Variants in SORBS2 observed in about 807,000 individuals in gnomAD.
SORBS2 encodes sorbin and SH3 domain containing 2, also known as sorbin and SH3 domain-containing protein 2.
In SORBS2, 46 loss-of-function variants were observed where a neutral mutation model predicts 97.7. The ratio of observed to expected loss-of-function variants is 0.47; its 90% CI spans 0.37 to 0.60. SORBS2 has a LOEUF of 0.60. Among genes scored for constraint, SORBS2 ranks in the 20% least tolerant of loss-of-function variants. SORBS2 has a pLI of 0.00. For synonymous variants in SORBS2, 476 were observed against 473.4 expected, an observed-to-expected ratio of 1.01 and a Z score of -0.07; for missense variants, 1,316 against 1,282.3, an observed-to-expected ratio of 1.03 and a Z score of -0.40.
chr4:185,931,725 C>A (rs1405770929), intron 1 of SORBS2, among the ~76,000 whole-genome samples: 1 of 151,562 alleles, frequency 6.6e-6, no homozygotes, highest in Non-Finnish European at 1.5e-5. Flanking sequence ...AAGGACAGAC[C>A]AGAGTGAGGT....
intron 9 of SORBS2, among the ~76,000 whole-genome samples, chr4:185,617,019 G>T (rs554554758): frequency 1.1e-3 from 167 of 152,314 alleles, no homozygotes; most frequent in Admixed American, 2.6e-3. Flanking sequence ...AAAGTGCTGG[G>T]ATTACAGGCA....
chr4:185,934,526 C>T (rs139405205), intron 1 of SORBS2, among the ~76,000 whole-genome samples: 221 of 152,056 alleles, frequency 1.5e-3, no homozygotes, highest in Non-Finnish European at 1.2e-3. Flanking sequence ...TTTGGGAGGC[C>T]GAGACAGGTG....
chr4:185,804,794 G>C (rs1434240993), intron 1 of SORBS2, among the ~76,000 whole-genome samples: 1 of 151,910 alleles, frequency 6.6e-6, no homozygotes, highest in Non-Finnish European at 1.5e-5. Flanking sequence ...CTAGTTAATA[G>C]GTTTCTATTG....
At position 185,705,207 on chromosome 4, in the gene SORBS2, G is replaced by C. The variant is rs373581886; in HGVS notation, c.-197-26385C>G. Among the ~76,000 whole-genome samples the C allele has an allele frequency of 8.5e-5, 13 of 152,312 alleles. No homozygotes were observed. The East Asian group carries it at 1.3e-3, about 16-fold the overall frequency. ...GTTGGTCGATATTAAAGCCTCAAAG[G>C]AATCATAATATCACTTTTGTCCAGA... On this transcript the variant is annotated intron_variant, in intron 2 of 20. Coordinates refer to the SORBS2 transcript ENST00000284776.
At chr4:185,871,641 G>A (rs1314251846) in intron 1 of SORBS2, among the ~76,000 whole-genome samples, 4 of 152,216 alleles carry the variant, frequency 2.6e-5, no homozygotes, top group African/African-American at 7.2e-5. Context: ...ATGAGGAAAT[G>A]TCCTCTATGA....
chr4:185,941,546 A>G (rs2150000240), intron 1 of SORBS2, among the ~76,000 whole-genome samples: 1 of 152,242 alleles, frequency 6.6e-6, no homozygotes, highest in South Asian at 2.1e-4. Flanking sequence ...GCTTCTTATA[A>G]TCTCACACAA....
intron 1 of SORBS2, among the ~76,000 whole-genome samples, chr4:185,814,622 CCTT>C (rs545824617): frequency 1.3e-5 from 2 of 152,294 alleles, no homozygotes; most frequent in South Asian, 4.1e-4. Flanking sequence ...AGGCCTTCAT[CCTT>C]CTTCTTGTAT....
chr4:185,586,980 A>G (rs1375025125), exon 15 of SORBS2: 1 of 152,658 alleles, frequency 6.6e-6, no homozygotes, highest in Non-Finnish European at 1.5e-5. Context: ...AAAGACTCCT[A>G]TTTGAAAACT....
At chr4:185,716,585 C>T (rs1410216599) in intron 2 of SORBS2, among the ~76,000 whole-genome samples, 1 of 149,396 alleles carries the variant, frequency 6.7e-6, no homozygotes, top group African/African-American at 2.5e-5. Flanking sequence ...CAGGTTTTCT[C>T]TTGTATAAAT....
chr4:185,940,514 C>T (rs2099271435), intron 1 of SORBS2, among the ~76,000 whole-genome samples: 1 of 152,144 alleles, frequency 6.6e-6, no homozygotes, highest in African/African-American at 2.4e-5. Flanking sequence ...GACTTGCATT[C>T]CGCTCCACAC....
chr4:185,948,045 T>TTTG (rs533539092), intron 1 of SORBS2, among the ~76,000 whole-genome samples: 61 of 152,238 alleles, frequency 4.0e-4, no homozygotes, highest in South Asian at 2.7e-3. Context: ...TTAATGTATT[T>TTTG]TTGTTGTTGT....
chr4:185,636,196 A>G (rs1419091649), intron 4 of SORBS2, among the ~76,000 whole-genome samples: 1 of 152,226 alleles, frequency 6.6e-6, no homozygotes, highest in African/African-American at 2.4e-5. Context: ...AACAATACAT[A>G]TAAAATAAAG....
chr4:185,893,808 T>C (rs565671977), intron 1 of SORBS2, among the ~76,000 whole-genome samples: 199 of 152,254 alleles, frequency 1.3e-3, no homozygotes, highest in African/African-American at 4.5e-3. Flanking sequence ...CGGTGTCTTG[T>C]TATGTGGATA....
At chr4:185,691,333 G>A (rs1293604851) in intron 2 of SORBS2, among the ~76,000 whole-genome samples, 2 of 152,136 alleles carry the variant, frequency 1.3e-5, no homozygotes, top group Non-Finnish European at 2.9e-5. Flanking sequence ...TCAAGGTGCT[G>A]GGATTACAGG....
chr4:185,922,737 T>C (rs952819039), intron 1 of SORBS2, among the ~76,000 whole-genome samples: 5 of 152,354 alleles, frequency 3.3e-5, no homozygotes, highest in South Asian at 2.1e-4. Flanking sequence ...GCAATTGTTA[T>C]AGTTCGCAGA....
At chr4:185,792,833 G>A (rs142791186) in intron 1 of SORBS2, among the ~76,000 whole-genome samples, 1 of 152,318 alleles carries the variant, frequency 6.6e-6, no homozygotes, top group Non-Finnish European at 1.5e-5. Flanking sequence ...CAAATGGGCA[G>A]TCTAGAAAAC....
chr4:185,916,774 C>G (rs919871070), intron 1 of SORBS2, among the ~76,000 whole-genome samples: 14 of 152,102 alleles, frequency 9.2e-5, no homozygotes, highest in African/African-American at 3.1e-4. Flanking sequence ...ACAGGCAGCC[C>G]CCACCTCCCC....
chr4:185,586,433 C>T (rs2095801982), exon 15 of SORBS2: 1 of 152,618 alleles, frequency 6.6e-6, no homozygotes, highest in Admixed American at 6.5e-5. Flanking sequence ...TCAGGCTCAA[C>T]ATATTCCTGT....
intron 2 of SORBS2, among the ~76,000 whole-genome samples, chr4:185,746,404 C>T (rs556986399): frequency 9.8e-5 from 15 of 152,286 alleles, no homozygotes; most frequent in Admixed American, 2.6e-4. Context: ...GCAACCTCCG[C>T]GTCCTGGGTT....
Sources: allele counts gnomAD v4.1 joint callset (sites outside exome capture counted in the v4.1 genomes callset), GRCh38; gene constraint gnomAD v4.1.1; transcripts MANE v1.5; gene names NCBI Gene and HGNC (gene_info 2026-07-23, HGNC 2026-07-21).